SLITRK3: variants seen among roughly 807,000 people sequenced by gnomAD.
SLITRK3 encodes SLIT and NTRK like family member 3, also known as SLIT and NTRK-like protein 3.
A neutral mutation model predicts 63.6 loss-of-function variants in SLITRK3; 16 were observed. The observed-to-expected ratio is 0.25, with a 90% CI of 0.17 to 0.38. The LOEUF is 0.38. SLITRK3 is among the 10% of genes least tolerant of loss of function. SLITRK3 has a pLI of 1.00. For synonymous variants in SLITRK3, 547 were observed against 451.6 expected (o/e 1.21, Z -2.68); for missense variants, 1,117 against 1,181.4 (o/e 0.95, Z 0.80).
intron 1 of SLITRK3, among the ~76,000 whole-genome samples, chr3:165,194,700 A>T (rs982101085): frequency 6.6e-6 from 1 of 151,912 alleles, no homozygotes; most frequent in South Asian, 2.1e-4. Context: ...GGAACCCATG[A>T]TGTGATGGAA....
rs1051082016 is a variant in SLITRK3 at position 165,195,780 on chromosome 3, G to A, written c.-222C>T. The A allele has an allele frequency of 2.0e-5, 3 of 152,698 alleles. No homozygotes were observed. The highest frequency in any genetic ancestry group is 2.9e-5 in the Non-Finnish European group (2 of 68,076). 9.5% of individuals were successfully genotyped at this position (152,698 alleles called of 1,614,324 possible). ...TGTTTCCACCTTTGAGACTTGCAGGGAAATGGTCGCTGCATACCAATGGGA... is the reference window on the plus strand; with the variant it reads ...TGTTTCCACCTTTGAGACTTGCAGGAAAATGGTCGCTGCATACCAATGGGA... On this transcript the variant is annotated 5_prime_UTR_variant, in exon 1 of 2. Transcript: ENST00000475390.
At position 165,188,926 on chromosome 3, in the gene SLITRK3, T is replaced by A; in HGVS notation, c.1905A>T (p.Ala635=). 1 of 1,614,098 alleles carries A rather than the reference T, an allele frequency of 6.2e-7. No homozygotes were observed. Among genetic ancestry groups the A allele is most frequent in the Non-Finnish European group, 8.5e-7 (1 of 1,179,986 alleles). Reference sequence around the variant, plus strand: ...ACTCATAAGGTGATGCACTGGTTGGTGCCCCAATAAGGTGAGAATCTCCAG... The same window carrying A: ...ACTCATAAGGTGATGCACTGGTTGGAGCCCCAATAAGGTGAGAATCTCCAG... The part of the protein sequence containing the change: ...AQPGDSHLIG[A]PTSASPYEFS... The change falls in exon 2 of 2, where the codon GCA becomes GCT. Residue 635 remains alanine (A), a synonymous_variant. Transcript: ENST00000475390.
rs971954878 is a variant in SLITRK3 at position 165,189,224 on chromosome 3, T to C, written c.1607A>G (p.Lys536Arg). ...GTSLARLNLR[K>R]NYFLYLPVAG... ...CACGGGAAGATAGAGGAAGTAGTTCTTCCTCAGGTTGAGCCGGGCCAGGGA... is the reference window on the plus strand; with the variant it reads ...CACGGGAAGATAGAGGAAGTAGTTCCTCCTCAGGTTGAGCCGGGCCAGGGA... Residue 536 changes from lysine (K) to arginine (R), a missense_variant, in exon 2 of 2, where the codon AAG (lysine) becomes AGG (arginine). Coordinates refer to ENST00000475390, the MANE Select transcript of SLITRK3 (RefSeq NM_001318810.2). The surrounding 1 kb of genome is among the most constrained non-coding windows in gnomAD (Gnocchi z 4.0). 2.5e-6 allele frequency: 4 copies of C among 1,614,228 alleles called. No individual in the cohort carries two copies. The highest frequency in any genetic ancestry group is 1.7e-5 in the Admixed American group (1 of 60,030).
At chr3:165,194,616 C>A (rs1471583053) in intron 1 of SLITRK3, among the ~76,000 whole-genome samples, 1 of 152,094 alleles carries the variant, frequency 6.6e-6, no homozygotes, top group African/African-American at 2.4e-5. Flanking sequence ...GCACCCGCAC[C>A]CTCCCCCCCA....
At position 165,195,748 on chromosome 3, in the gene SLITRK3, GT is replaced by G. The variant is rs1354098005; in HGVS notation, c.-191del. Reference sequence around the variant, plus strand: ...GGCTACCGAATCACGCTTGTAATCCGTTTAAATGTTTCCACCTTTGAGACTT... The same window carrying G: ...GGCTACCGAATCACGCTTGTAATCCGTTAAATGTTTCCACCTTTGAGACTT... On this transcript the variant is annotated 5_prime_UTR_variant, in exon 1 of 2. An upstream open reading frame in the 5' UTR loses its in-frame stop. Transcript: ENST00000475390. The G allele has an allele frequency of 2.0e-5, 3 of 152,820 alleles. No individual in the cohort carries two copies. The East Asian group carries it at 5.8e-4, about 30-fold the overall frequency. The allele number at this position is 152,820 out of a possible 1,614,324, so 9.5% of individuals were successfully genotyped here.
intron 1 of SLITRK3, among the ~76,000 whole-genome samples, chr3:165,192,528 T>G (rs1718269781): frequency 6.6e-6 from 1 of 151,942 alleles, no homozygotes; most frequent in Non-Finnish European, 1.5e-5. Flanking sequence ...GGTTTCGGGT[T>G]TTTTTGTAAT....
rs886830265 is a variant in SLITRK3, at chr3:165,194,620, C to T, written c.-22+960G>A. On this transcript the variant is annotated intron_variant, in intron 1 of 1. Coordinates refer to ENST00000475390, the MANE Select transcript of SLITRK3 (RefSeq NM_001318810.2). ...CCCAGCTGCCGGCACCCGCACCCTC[C>T]CCCCCATCCCCCGCCCAGCACTTTG... is the stretch of plus-strand genomic sequence containing the variant. Among the ~76,000 whole-genome samples the T allele has an allele frequency of 3.3e-5, 5 of 152,046 alleles. No homozygotes were observed. The South Asian group carries it at 1.0e-3, about 32-fold the overall frequency.
rs148586355 is a variant in SLITRK3 at position 165,190,981 on chromosome 3, A to C, written c.-21-130T>G. The C allele has an allele frequency of 7.2e-3, 4,377 of 611,104 alleles. 28 individuals are homozygous for C. The highest frequency in any genetic ancestry group is 0.01 in the Middle Eastern group (23 of 2,278). 37.9% of individuals were successfully genotyped at this position (611,104 alleles called of 1,614,324 possible). On this transcript the variant is annotated intron_variant, in intron 1 of 1. Coordinates refer to ENST00000475390, the MANE Select transcript of SLITRK3 (RefSeq NM_001318810.2). ...AATTGTTGAAGTGACACTCAAGATG[A>C]GCTAGCAACATACTTAATGTTTAGA...
At position 165,188,535 on chromosome 3, in the gene SLITRK3, C is replaced by G; in HGVS notation, c.2296G>C (p.Val766Leu). The G allele has an allele frequency of 1.9e-6, 3 of 1,614,066 alleles. No individual in the cohort carries two copies. Among genetic ancestry groups the G allele is most frequent in the Non-Finnish European group, 2.5e-6 (3 of 1,180,010 alleles). Residue 766 changes from valine (V) to leucine (L), a missense_variant, in exon 2 of 2, where the codon GTT becomes CTT. Val to Leu is a conservative substitution (Grantham distance 32). Coordinates refer to ENST00000475390, the MANE Select transcript of SLITRK3 (RefSeq NM_001318810.2). Reference sequence around the variant, plus strand: ...CTCCCTGCTTCTTGGGCTGATGAAACAGCCACCTCCTCCTCCTCACGAGGC... The same window carrying G: ...CTCCCTGCTTCTTGGGCTGATGAAAGAGCCACCTCCTCCTCCTCACGAGGC... ...YKPREEEEVA[V>L]SSAQEAGSAE...
Position 165,188,815 on chromosome 3 carries a change from T to G in SLITRK3, c.2016A>C (p.Ala672=). The change falls in exon 2 of 2, where the codon GCA becomes GCC. Residue 672 remains alanine, a synonymous_variant. Transcript: ENST00000475390. ...VLFFSAVFVA[A]GLFAYVLRRR... is the part of the protein sequence containing the mutation. ...TTCGGAGCACGTAGGCAAAGAGGCC[T>G]GCAGCAACAAAGACTGCTGAGAAAA... The G allele has an allele frequency of 1.9e-6, 3 of 1,614,168 alleles. No homozygotes were observed. In the South Asian group the frequency reaches 3.3e-5, roughly 18 times the overall value.
chr3:165,189,032 C>A lies in SLITRK3; in HGVS notation c.1799G>T (p.Arg600Leu). The A allele has an allele frequency of 6.2e-7, 1 of 1,614,184 alleles. No homozygotes were observed. Among genetic ancestry groups the A allele is most frequent in the East Asian group, 2.2e-5 (1 of 44,870 alleles). Residue 600 changes from arginine to leucine, a missense_variant, in exon 2 of 2, where the codon CGT (arginine) becomes CTT (leucine). By Grantham distance (102) the Arg-to-Leu change is moderately radical. Transcript: ENST00000475390. The surrounding 1 kb of genome is among the most constrained non-coding windows in gnomAD (Gnocchi z 4.0). ...TTCCAGCTCAATAGTGCGCACATCACGGTGCGTGAGGTTCTCAGGGCTCCT... is the reference window on the plus strand; with the variant it reads ...TTCCAGCTCAATAGTGCGCACATCAAGGTGCGTGAGGTTCTCAGGGCTCCT... ...LCRSPENLTH[R>L]DVRTIELEVL...
At chr3:165,191,542 ATCT>A (rs987552477) in intron 1 of SLITRK3, among the ~76,000 whole-genome samples, 2 of 152,214 alleles carry the variant, frequency 1.3e-5, no homozygotes, top group Non-Finnish European at 2.9e-5. Flanking sequence ...CATTATTGTC[ATCT>A]TCTTTAATTT....
Position 165,189,006 on chromosome 3 carries a change from C to A in SLITRK3, c.1825G>T (p.Val609Phe), listed in dbSNP as rs754619299. Residue 609 changes from valine to phenylalanine, a missense_variant, in exon 2 of 2, where the codon GTT becomes TTT. Transcript: ENST00000475390. This position sits in a 1 kb window ranked among gnomAD's most constrained non-coding sequence, Gnocchi z 4.0. Reference sequence around the variant, plus strand: ...ACGTGCAGCATCTCTGGGCAAAGAACTTCCAGCTCAATAGTGCGCACATCA... The same window carrying A: ...ACGTGCAGCATCTCTGGGCAAAGAAATTCCAGCTCAATAGTGCGCACATCA... ...HRDVRTIELE[V>F]LCPEMLHVAP... The A allele has an allele frequency of 6.2e-7, 1 of 1,614,082 alleles. No homozygotes were observed. The highest frequency in any genetic ancestry group is 8.5e-7 in the Non-Finnish European group (1 of 1,180,048).
Position 165,189,578 on chromosome 3 carries a change from T to C in SLITRK3, c.1253A>G (p.Asn418Ser). 6.2e-7 allele frequency: 1 copy of C among 1,614,138 alleles called. No individual in the cohort carries two copies. ...LNAKKLYLSS[N>S]LIQKIYRSDF... ...AGAACGGTATATTTTCTGAATCAGATTGCTACTCAGATACAGTTTCTTGGC... is the reference window on the plus strand; with the variant it reads ...AGAACGGTATATTTTCTGAATCAGACTGCTACTCAGATACAGTTTCTTGGC... The change falls in exon 2 of 2, where the codon AAT (asparagine) becomes AGT (serine). Residue 418 changes from asparagine to serine, a missense_variant. Around this residue, in one of 4 missense-constraint regions of SLITRK3, gnomAD observed 452 missense variants for 495.3 expected, o/e 0.91. Transcript: ENST00000475390. The surrounding 1 kb of genome is among the most constrained non-coding windows in gnomAD (Gnocchi z 4.0).
Position 165,188,757 on chromosome 3 carries a change from G to T in SLITRK3, c.2074C>A (p.Arg692=). ...CCAGTAAGGTCCACACCTTCCTGCCGCTTGCTTCTGAAGGGCAGCTTCTTT... is the reference window on the plus strand; with the variant it reads ...CCAGTAAGGTCCACACCTTCCTGCCTCTTGCTTCTGAAGGGCAGCTTCTTT... ...RRKKLPFRSK[R]QEGVDLTGIQ... Residue 692 remains arginine, a synonymous_variant, in exon 2 of 2, where the codon CGG becomes AGG. Transcript: ENST00000475390. 3 of 1,614,104 alleles carry T rather than the reference G, an allele frequency of 1.9e-6. No homozygotes were observed. Among genetic ancestry groups the T allele is most frequent in the Non-Finnish European group, 2.5e-6 (3 of 1,180,020 alleles).
At chr3:165,192,967 C>G (rs1718290793) in intron 1 of SLITRK3, among the ~76,000 whole-genome samples, 1 of 152,116 alleles carries the variant, frequency 6.6e-6, no homozygotes, top group African/African-American at 2.4e-5. Flanking sequence ...TCAGACTTCT[C>G]TCGCTCCGGC....
At chr3:165,194,931 C>CGG (rs1560056657) in intron 1 of SLITRK3, among the ~76,000 whole-genome samples, 1 of 152,056 alleles carries the variant, frequency 6.6e-6, no homozygotes, top group Non-Finnish European at 1.5e-5. Flanking sequence ...CATGGGGCCC[C>CGG]AGTTTTTTCC....
chr3:165,193,793 T>G (rs1387529133), intron 1 of SLITRK3, among the ~76,000 whole-genome samples: 7 of 151,984 alleles, frequency 4.6e-5, no homozygotes, highest in African/African-American at 1.7e-4. Flanking sequence ...ATTTAAGGAT[T>G]TGGATGCTTT....
chr3:165,194,272 A>C (rs897306223), intron 1 of SLITRK3, among the ~76,000 whole-genome samples: 2 of 152,194 alleles, frequency 1.3e-5, no homozygotes, highest in African/African-American at 4.8e-5. Context: ...TACAAAAGCA[A>C]ATTTTAAAGC....
Sources: allele counts gnomAD v4.1 joint callset (sites outside exome capture counted in the v4.1 genomes callset), GRCh38; gene constraint gnomAD v4.1.1; regional missense constraint gnomAD v4.1.1; non-coding constraint Gnocchi (gnomAD v3.1); transcripts MANE v1.5; gene names NCBI Gene and HGNC (gene_info 2026-07-23, HGNC 2026-07-21).